Variants in PCDHGA4 observed in about 807,000 individuals in gnomAD.
The protein encoded by PCDHGA4 is protocadherin gamma-A4.
A neutral mutation model predicts 54.6 loss-of-function variants in PCDHGA4; 38 were observed. That is an observed-to-expected ratio of 0.70 (90% CI 0.54 to 0.91). PCDHGA4 has a LOEUF of 0.91. PCDHGA4 is among the 40% of genes least tolerant of loss of function. PCDHGA4 has a pLI of 0.00. For missense variants in PCDHGA4, 1,298 were observed against 1,220.9 expected (o/e 1.06, Z -0.94); for synonymous variants, 511 against 512.9 (o/e 1.00, Z 0.05).
In PCDHGA4 at chr5:141,432,513, G is replaced by T. The variant is rs755227021; in HGVS notation, c.2515-62294G>T. On this transcript the variant is annotated intron_variant, in intron 1 of 3. Coordinates refer to ENST00000571252, the MANE Select transcript of PCDHGA4 (RefSeq NM_018917.4). The surrounding 1 kb of genome is among the most constrained non-coding windows in gnomAD (Gnocchi z 6.0). ...CTGGCTCCCCGCTCCGCAGAGCCCG[G>T]CTACCTGGTGACCAAGGTGGTGGCG... The T allele has an allele frequency of 3.1e-6, 5 of 1,614,102 alleles. No individual in the cohort carries two copies. Among genetic ancestry groups the T allele is most frequent in the African/African-American group, 2.7e-5 (2 of 75,062 alleles).
chr5:141,360,748 C>T (rs1352122566), intron 1 of PCDHGA4: 10 of 1,613,928 alleles, frequency 6.2e-6, no homozygotes, highest in Non-Finnish European at 8.5e-6. Context: ...CAGAGAAGAG[C>T]ACAGTTTACA....
At chr5:141,364,421 A>AT in intron 1 of PCDHGA4, 1 of 1,613,602 alleles carries the variant, frequency 6.2e-7, no homozygotes, top group South Asian at 1.1e-5. Context: ...ATCCGGGCAG[A>AT]TCCGCTACTC....
chr5:141,435,733 T>C (rs950139563), intron 1 of PCDHGA4, among the ~76,000 whole-genome samples: 12 of 152,208 alleles, frequency 7.9e-5, no homozygotes, highest in African/African-American at 2.7e-4. Context: ...AGTGTATTAC[T>C]CTTTGAAAAG....
At position 141,390,172 on chromosome 5, in the gene PCDHGA4, ATT is replaced by A. The variant is rs745723390; in HGVS notation, c.2514+32553_2514+32554del. 218 of 1,614,012 alleles carry A rather than the reference ATT, an allele frequency of 1.4e-4. 1 individual carries two copies. In the African/African-American group the frequency reaches 2.7e-3, roughly 20 times the overall value. ...GCACATACAGGAAAGACGGAGTTTA[ATT>A]TCCTAAAATGTAGTGAGCAGTTGAG... On this transcript the variant is annotated intron_variant, in intron 1 of 3. Transcript: ENST00000571252.
rs1760669950 is a variant in PCDHGA4, at chr5:141,357,591, A to C, written c.2484A>C (p.Leu828Phe). The stretch of plus-strand genomic sequence containing the variant: ...AGCCTCTTCTGATAACTCAGGATTT[A>C]CTTGAAACAAAAGGAGACCCTAATC... ...KSEPLLITQD[L>F]LETKGDPNLQ... Residue 828 changes from leucine to phenylalanine, a missense_variant, in exon 1 of 4, where the codon TTA becomes TTC. Transcript: ENST00000571252. The C allele has an allele frequency of 6.8e-6, 11 of 1,614,152 alleles. No individual in the cohort carries two copies. Among genetic ancestry groups the C allele is most frequent in the Non-Finnish European group, 9.3e-6 (11 of 1,179,990 alleles).
chr5:141,421,338 A>G (rs560707757), intron 1 of PCDHGA4: 2 of 1,613,966 alleles, frequency 1.2e-6, no homozygotes, highest in Non-Finnish European at 1.7e-6. Context: ...ATTCGGTGCC[A>G]GAAGAGACCG....
intron 1 of PCDHGA4, chr5:141,364,821 T>C (rs1185593883): frequency 6.2e-7 from 1 of 1,613,886 alleles, no homozygotes; most frequent in Non-Finnish European, 8.5e-7. Flanking sequence ...GATGTGGGTG[T>C]GAACTCTCTC....
chr5:141,487,675 A>G lies in PCDHGA4; in HGVS notation c.2515-7132A>G, dbSNP rs752606441. ...GTTATTCTGATCCAGGCATATGGCT[A>G]GGCCATGTCCTAGAGAGTACTGGCC... On this transcript the variant is annotated intron_variant, in intron 1 of 3. Transcript: ENST00000571252. This position sits in a 1 kb window ranked among gnomAD's most constrained non-coding sequence, Gnocchi z 5.0. 22 of 1,611,038 alleles carry G rather than the reference A, an allele frequency of 1.4e-5. No individual in the cohort carries two copies. Among genetic ancestry groups the G allele is most frequent in the Non-Finnish European group, 1.7e-5 (20 of 1,178,458 alleles).
At chr5:141,418,305 G>T in intron 1 of PCDHGA4, 1 of 1,614,026 alleles carries the variant, frequency 6.2e-7, no homozygotes, top group South Asian at 1.1e-5. Context: ...GTCAGCCTGG[G>T]GATGGGAACA....
chr5:141,470,379 A>G (rs1210709847), intron 1 of PCDHGA4, among the ~76,000 whole-genome samples: 1 of 152,086 alleles, frequency 6.6e-6, no homozygotes, highest in East Asian at 1.9e-4. Flanking sequence ...TGGAAAGACT[A>G]CTCGATGATA....
At chr5:141,382,317 GTAAA>G (rs1482634443) in intron 1 of PCDHGA4, among the ~76,000 whole-genome samples, 1 of 152,160 alleles carries the variant, frequency 6.6e-6, no homozygotes, top group Non-Finnish European at 1.5e-5. Flanking sequence ...ATACACTGAT[GTAAA>G]TATTTTCTAA....
intron 1 of PCDHGA4, chr5:141,418,346 A>G (rs780933957): frequency 1.7e-5 from 27 of 1,614,022 alleles, no homozygotes; most frequent in South Asian, 2.2e-5. Flanking sequence ...TCCTGATATT[A>G]GTATGAATTC....
rs758635124 is a variant in PCDHGA4 at position 141,355,553 on chromosome 5, G to T, written c.446G>T (p.Arg149Leu). The T allele has an allele frequency of 6.2e-7, 1 of 1,614,014 alleles. No individual in the cohort carries two copies. Among genetic ancestry groups the T allele is most frequent in the East Asian group, 2.2e-5 (1 of 44,878 alleles). ...ILLEDTVKIL[R>L]VEVEIIDVND... ...CTAGAAGATACAGTGAAGATTTTGCGGGTAGAGGTGGAAATAATCGATGTT... is the reference window on the plus strand; with the variant it reads ...CTAGAAGATACAGTGAAGATTTTGCTGGTAGAGGTGGAAATAATCGATGTT... Residue 149 changes from arginine (R) to leucine (L), a missense_variant, in exon 1 of 4, where the codon CGG becomes CTG. Coordinates refer to ENST00000571252, the MANE Select transcript of PCDHGA4 (RefSeq NM_018917.4).
At chr5:141,365,502 C>T (rs373907411) in intron 1 of PCDHGA4, 5 of 1,613,918 alleles carry the variant, frequency 3.1e-6, no homozygotes, top group East Asian at 2.2e-5. Context: ...AGGAATTTGC[C>T]TTTTAAATTG....
chr5:141,498,265 T>G (rs2099782779), intron 2 of PCDHGA4, among the ~76,000 whole-genome samples: 2 of 152,010 alleles, frequency 1.3e-5, no homozygotes, highest in Non-Finnish European at 2.9e-5. Context: ...TGTTGAGTTC[T>G]TCAGTAAACT....
intron 1 of PCDHGA4, chr5:141,398,860 G>C: frequency 6.2e-7 from 1 of 1,614,010 alleles, no homozygotes; most frequent in South Asian, 1.1e-5. Flanking sequence ...ATTCAACCGA[G>C]ACGTGTACAG....
At chr5:141,423,620 C>A in intron 1 of PCDHGA4, 1 of 1,608,268 alleles carries the variant, frequency 6.2e-7, no homozygotes, top group Non-Finnish European at 8.5e-7. Flanking sequence ...GCTGAAGACT[C>A]AGCTATCATT....
intron 1 of PCDHGA4, among the ~76,000 whole-genome samples, chr5:141,452,761 G>A (rs1291983570): frequency 6.6e-6 from 1 of 152,036 alleles, no homozygotes; most frequent in East Asian, 1.9e-4. Flanking sequence ...AGGAAGGGAG[G>A]GAGGGAAAAC....
At chr5:141,403,873 A>G in intron 1 of PCDHGA4, 1 of 1,613,840 alleles carries the variant, frequency 6.2e-7, no homozygotes, top group Non-Finnish European at 8.5e-7. Flanking sequence ...CAAAAAGTCT[A>G]GATTATGAAG....
Sources: allele counts gnomAD v4.1 joint callset (sites outside exome capture counted in the v4.1 genomes callset), GRCh38; gene constraint gnomAD v4.1.1; non-coding constraint Gnocchi (gnomAD v3.1); transcripts MANE v1.5; gene names NCBI Gene and HGNC (gene_info 2026-07-23, HGNC 2026-07-21).